Variants in PCNX3 observed in about 807,000 individuals in gnomAD.
PCNX3 encodes the protein pecanex-like protein 3.
Under a neutral mutation model 207.2 loss-of-function variants are expected in PCNX3, and 58 were observed. The observed-to-expected ratio is 0.28, with a 90% CI of 0.23 to 0.35. PCNX3 has a LOEUF of 0.35. Ranked by LOEUF, PCNX3 falls within the 10% of genes least tolerant of loss-of-function variation. The pLI, the probability that PCNX3 is intolerant of heterozygous loss-of-function variation, is 1.00. For missense variants in PCNX3, 2,410 were observed against 2,774.4 expected, an observed-to-expected ratio of 0.87 and a Z score of 2.95; for synonymous variants, 1,337 against 1,183.5, an observed-to-expected ratio of 1.13 and a Z score of -2.66.
chr11:65,620,709 C>A, intron 9 of PCNX3, 122 bp from the exon 10 acceptor site: 4 of 1,342,546 alleles, frequency 3.0e-6, no homozygotes, highest in Non-Finnish European at 4.1e-6. Context: ...AGCACTTGTC[C>A]CTTGAGCCCT....
chr11:65,636,108 A>C, intron 32 of PCNX3, 66 bp from the exon 33 acceptor site: 1 of 1,549,070 alleles, frequency 6.5e-7, no homozygotes, highest in Non-Finnish European at 8.7e-7. Context: ...CTGAGGACTC[A>C]TGCTTGTGAG....
chr11:65,623,882 C>T, intron 12 of PCNX3, 47 bp from the exon 13 acceptor site: 3 of 1,611,858 alleles, frequency 1.9e-6, no homozygotes, highest in Non-Finnish European at 2.5e-6. Flanking sequence ...CTCTGACCAT[C>T]CCGTGGGCAT....
At position 65,623,979 on chromosome 11, in the gene PCNX3, AGC is replaced by A; in HGVS notation, c.2544+21_2544+22del. ...CCATGCACGTGAGTACCCATGGAGC[AGC>A]GCCTCTGGCCAGGAGGCCCCGGGAG... On this transcript the variant is annotated intron_variant, in intron 13 of 34. Coordinates refer to ENST00000355703, the MANE Select transcript of PCNX3 (RefSeq NM_032223.4). 1.9e-6 allele frequency: 3 copies of A among 1,610,642 alleles called. No individual in the cohort carries two copies. Among genetic ancestry groups the A allele is most frequent in the Non-Finnish European group, 2.5e-6 (3 of 1,179,860 alleles).
At position 65,616,030 on chromosome 11, in the gene PCNX3, G is replaced by A. The variant is rs1854707915; in HGVS notation, c.-282G>A. ...GCCCGTGCCCCGCGCCTGCCTGCCG[G>A]CTCGGCCCCTCGGAGCAATTCTGGG... On this transcript the variant is annotated 5_prime_UTR_variant, in exon 1 of 35. Coordinates refer to ENST00000355703, the MANE Select transcript of PCNX3 (RefSeq NM_032223.4). The A allele has an allele frequency of 7.9e-6, 2 of 253,394 alleles. No individual in the cohort carries two copies. Among genetic ancestry groups the A allele is most frequent in the Non-Finnish European group, 1.5e-5 (2 of 133,834 alleles). The allele number at this position is 253,394 out of a possible 1,614,324, so 15.7% of individuals were successfully genotyped here. A position where few individuals can be genotyped will look rare whatever the true frequency, so the allele number is the denominator to read the frequency against.
At chr11:65,617,141 C>A in intron 2 of PCNX3, 109 bp from the exon 3 acceptor site, 1 of 1,389,300 alleles carries the variant, frequency 7.2e-7, no homozygotes, top group Non-Finnish European at 9.9e-7. Context: ...CTGTGTTAGC[C>A]CTGGAATTGT....
chr11:65,636,835 C>A lies in PCNX3; in HGVS notation c.5962C>A (p.Pro1988Thr), dbSNP rs1471649449. 1 of 1,551,224 alleles carries A rather than the reference C, an allele frequency of 6.4e-7. No individual in the cohort carries two copies. Among genetic ancestry groups the A allele is most frequent in the South Asian group, 1.2e-5 (1 of 84,074 alleles). ...SPDVSTEASP[P>T]RASQDIPCLD... is the part of the protein sequence containing the mutation. Reference sequence around the variant, plus strand: ...CGATGTCAGCACTGAGGCCTCACCCCCCAGAGCTTCCCAGGACATTCCTTG... The same window carrying A: ...CGATGTCAGCACTGAGGCCTCACCCACCAGAGCTTCCCAGGACATTCCTTG... Residue 1988 changes from proline to threonine, a missense_variant, in exon 35 of 35, where the codon CCC becomes ACC. Pro to Thr is a conservative substitution (Grantham distance 38). Coordinates refer to ENST00000355703, the MANE Select transcript of PCNX3 (RefSeq NM_032223.4).
chr11:65,631,961 G>T (rs1256989701), intron 27 of PCNX3, among the ~76,000 whole-genome samples: 2 of 152,162 alleles, frequency 1.3e-5, no homozygotes, highest in Non-Finnish European at 2.9e-5. Context: ...GCAAGGATTT[G>T]TGAGACCACC....
intron 27 of PCNX3, among the ~76,000 whole-genome samples, chr11:65,633,452 C>G (rs1316352370): frequency 6.6e-6 from 1 of 152,236 alleles, no homozygotes. Context: ...GCCTGCCCTT[C>G]CGGCCCCGAG....
At chr11:65,622,202 G>A in intron 10 of PCNX3, 43 bp from the exon 11 acceptor site, 2 of 1,580,136 alleles carry the variant, frequency 1.3e-6, no homozygotes, top group East Asian at 2.3e-5. Context: ...TGTGGGGACT[G>A]CAGTTTGACC....
chr11:65,627,113 G>A (rs1391747889), intron 21 of PCNX3, 65 bp downstream of exon 21: 2 of 1,445,524 alleles, frequency 1.4e-6, no homozygotes, highest in Non-Finnish European at 1.8e-6. Context: ...TGGGGAAACT[G>A]AGGCCTAGAG....
In PCNX3 at chr11:65,637,057, C is replaced by A; in HGVS notation, c.*79C>A. ...GCTGCCTCTCTGCTGGACCACAGAA[C>A]TGAGTGGCTTTGGCCTACATGTCTG... On this transcript the variant is annotated 3_prime_UTR_variant, in exon 35 of 35. Coordinates refer to ENST00000355703, the MANE Select transcript of PCNX3 (RefSeq NM_032223.4). 2 of 1,454,154 alleles carry A rather than the reference C, an allele frequency of 1.4e-6. No homozygotes were observed. Among genetic ancestry groups the A allele is most frequent in the East Asian group, 2.5e-5 (1 of 40,344 alleles). The allele number at this position is 1,454,154 out of a possible 1,614,324, so 90.1% of individuals were successfully genotyped here.
At chr11:65,632,586 G>A (rs951132937) in intron 27 of PCNX3, among the ~76,000 whole-genome samples, 1 of 127,248 alleles carries the variant, frequency 7.9e-6, no homozygotes, top group African/African-American at 2.9e-5. Context: ...CGCAGTGAGC[G>A]CTCACAGGCG....
intron 27 of PCNX3, 122 bp downstream of exon 27, chr11:65,630,726 C>T: frequency 7.2e-7 from 1 of 1,381,360 alleles, no homozygotes; most frequent in Non-Finnish European, 9.7e-7. Context: ...AAGCTGAGGC[C>T]TCAGAGAGTT....
At position 65,625,023 on chromosome 11, in the gene PCNX3, G is replaced by A. The variant is rs1461004221; in HGVS notation, c.2919+7G>A. 1 of 1,611,108 alleles carries A rather than the reference G, an allele frequency of 6.2e-7. No homozygotes were observed. Among genetic ancestry groups the A allele is most frequent in the Non-Finnish European group, 8.5e-7 (1 of 1,178,596 alleles). On this transcript the variant is annotated splice_region_variant and intron_variant, in intron 16 of 34. Coordinates refer to ENST00000355703, the MANE Select transcript of PCNX3 (RefSeq NM_032223.4). The surrounding 1 kb of genome is among the most constrained non-coding windows in gnomAD (Gnocchi z 5.6). The stretch of plus-strand genomic sequence containing the variant: ...CTGCCTTGGGGCCATCAAGGTAGGG[G>A]TGGCTTGCGAGGTGGGGGCATGCTG...
Position 65,617,453 on chromosome 11 carries a change from GCTCT to G in PCNX3, c.442-14_442-11del. 1 of 1,613,908 alleles carries G rather than the reference GCTCT, an allele frequency of 6.2e-7. No individual in the cohort carries two copies. The highest frequency in any genetic ancestry group is 8.5e-7 in the Non-Finnish European group (1 of 1,179,864). On this transcript the variant is annotated splice_polypyrimidine_tract_variant and intron_variant, in intron 3 of 34. Transcript: ENST00000355703. ...TTCTTGCCTTGTTTGTTCCTTCATG[GCTCT>G]CTGTCTACTCAGGAGCTGCTGCCCC...
Position 65,635,863 on chromosome 11 carries a change from C to A in PCNX3, c.5459+60C>A. 6.5e-7 allele frequency: 1 copy of A among 1,527,330 alleles called. No individual in the cohort carries two copies. The highest frequency in any genetic ancestry group is 2.3e-5 in the East Asian group (1 of 42,832). The allele number at this position is 1,527,330 out of a possible 1,614,324, so 94.6% of individuals were successfully genotyped here. On this transcript the variant is annotated intron_variant, in intron 32 of 34. Coordinates refer to ENST00000355703, the MANE Select transcript of PCNX3 (RefSeq NM_032223.4). This position sits in a 1 kb window ranked among gnomAD's most constrained non-coding sequence, Gnocchi z 9.9. The stretch of plus-strand genomic sequence containing the variant: ...GAGGAAGCTGAGGTGCAGTACGTCC[C>A]TCCTGGGTCTCAGAGGGAGGACGTG...
chr11:65,628,540 G>T, intron 22 of PCNX3, 55 bp from the exon 23 acceptor site: 1 of 1,545,056 alleles, frequency 6.5e-7, no homozygotes, highest in South Asian at 1.1e-5. Flanking sequence ...GGCATCCGGG[G>T]GCTTCCATGA....
chr11:65,625,631 A>C lies in PCNX3; in HGVS notation c.3136-21A>C, dbSNP rs202094085. ...GTGTCTCTCCTGGCCGGGCAGCTGA[A>C]TGTCTCTCCTGGCCCTGCAGCGTGA... On this transcript the variant is annotated intron_variant, in intron 18 of 34. Transcript: ENST00000355703. This position sits in a 1 kb window ranked among gnomAD's most constrained non-coding sequence, Gnocchi z 5.6. The C allele has an allele frequency of 1.2e-6, 2 of 1,604,836 alleles. No individual in the cohort carries two copies. The highest frequency in any genetic ancestry group is 1.3e-5 in the African/African-American group (1 of 74,820).
Position 65,630,429 on chromosome 11 carries a change from C to T in PCNX3, c.4295C>T (p.Pro1432Leu), listed in dbSNP as rs894779065. The change falls in exon 27 of 35, where the codon CCT becomes CTT. Residue 1432 changes from proline to leucine, a missense_variant. By Grantham distance (98) the Pro-to-Leu change is moderately conservative. Coordinates refer to ENST00000355703, the MANE Select transcript of PCNX3 (RefSeq NM_032223.4). Reference protein sequence around the residue: ...EEDEGCCCCEPGHLPRVLSFN... With the variant: ...EEDEGCCCCELGHLPRVLSFN... ...GACGAGGGCTGTTGCTGCTGTGAAC[C>T]TGGCCACCTGCCACGGGTCCTGTCC... 1.2e-6 allele frequency: 2 copies of T among 1,613,614 alleles called. No individual in the cohort carries two copies. Among genetic ancestry groups the T allele is most frequent in the Middle Eastern group, 1.7e-4 (1 of 6,060 alleles).
Sources: gnomAD v4.1 joint callset for allele counts (sites outside exome capture counted in the v4.1 genomes callset) on GRCh38, gnomAD v4.1.1 for gene constraint, Gnocchi (gnomAD v3.1) non-coding constraint, MANE v1.5 for transcripts, NCBI Gene and HGNC (gene_info 2026-07-23, HGNC 2026-07-21) for gene names.